The following ANK1 variants were observed in gnomAD, a reference collection of about 807,000 sequenced individuals.
ANK1 encodes the protein ankyrin-1.
Under a neutral mutation model 210.4 loss-of-function variants are expected in ANK1, and 51 were observed. That is an observed-to-expected ratio of 0.24 (90% confidence interval 0.19 to 0.31). The LOEUF is 0.31. Ranked by LOEUF, ANK1 falls within the 10% of genes least tolerant of loss-of-function variation. The probability of loss-of-function intolerance (pLI) is 1.00; values close to 1 mark genes in which losing one functional copy is unlikely to be tolerated. For synonymous variants in ANK1, 967 were observed against 1,025.9 expected, an observed-to-expected ratio of 0.94 and a Z score of 1.10; for missense variants, 2,051 against 2,504.4, an observed-to-expected ratio of 0.82 and a Z score of 3.86.
At chr8:41,733,326 GAGA>G (rs1307128429) in intron 3 of ANK1, among the ~76,000 whole-genome samples, 4 of 152,168 alleles carry the variant, frequency 2.6e-5, no homozygotes. Flanking sequence ...AGACTTGCTG[GAGA>G]AGGAGAAATG....
chr8:41,776,449 C>G (rs1362285380), intron 1 of ANK1, among the ~76,000 whole-genome samples: 1 of 152,070 alleles, frequency 6.6e-6, no homozygotes, highest in Non-Finnish European at 1.5e-5. Context: ...TCTAGAATTA[C>G]AACAGTAACA....
chr8:41,796,565 C>G lies in ANK1; in HGVS notation c.27+947G>C, dbSNP rs950259752. On this transcript the variant is annotated intron_variant, in intron 1 of 42. Coordinates refer to ENST00000289734, the MANE Select transcript of ANK1 (RefSeq NM_000037.4). ...CTCTCCTTAGAAAAAAAAAAAAAATCAACCAGGAAAGGCAAATTGTACAGA... is the reference window on the plus strand; with the variant it reads ...CTCTCCTTAGAAAAAAAAAAAAAATGAACCAGGAAAGGCAAATTGTACAGA... 9.3e-5 allele frequency among the ~76,000 whole-genome samples: 14 copies of G among 150,158 alleles called. 1 individual carries two copies. The highest frequency in any genetic ancestry group is 1.5e-4 in the Non-Finnish European group (10 of 67,618).
intron 35 of ANK1, 141 bp downstream of exon 35, chr8:41,688,015 G>T: frequency 9.4e-7 from 1 of 1,061,638 alleles, no homozygotes; most frequent in Non-Finnish European, 1.4e-6. Context: ...TTGGGCAGCA[G>T]ACCCAGCTCA....
intron 1 of ANK1, among the ~76,000 whole-genome samples, chr8:41,876,193 C>A (rs1210110117): frequency 6.6e-6 from 1 of 152,150 alleles, no homozygotes; most frequent in African/African-American, 2.4e-5. Context: ...GGCGCGGGGA[C>A]GGCCCTGTCT....
At position 41,708,985 on chromosome 8, in the gene ANK1, A is replaced by C; in HGVS notation, c.1801-10T>G. 6.2e-7 allele frequency: 1 copy of C among 1,613,646 alleles called. No homozygotes were observed. Among genetic ancestry groups the C allele is most frequent in the Non-Finnish European group, 8.5e-7 (1 of 1,180,046 alleles). On this transcript the variant is annotated splice_polypyrimidine_tract_variant and intron_variant, in intron 16 of 42. Transcript: ENST00000289734. ...AAGGGGTGTAGCCATTCTGAAACAGAAGAAGCCGCCCAGAGCCTGGTTACA... is the reference window on the plus strand; with the variant it reads ...AAGGGGTGTAGCCATTCTGAAACAGCAGAAGCCGCCCAGAGCCTGGTTACA...
chr8:41,731,570 T>C (rs1385475118), intron 3 of ANK1, among the ~76,000 whole-genome samples: 1 of 150,380 alleles, frequency 6.6e-6, no homozygotes, highest in Non-Finnish European at 1.5e-5. Flanking sequence ...GGCTTTTTAC[T>C]CTTTTTCTTC....
chr8:41,704,421 C>G lies in ANK1; in HGVS notation c.2149G>C (p.Val717Leu). 6.2e-7 allele frequency: 1 copy of G among 1,614,168 alleles called. No individual in the cohort carries two copies. Among genetic ancestry groups the G allele is most frequent in the Non-Finnish European group, 8.5e-7 (1 of 1,180,044 alleles). ...VASHYGNIKL[V>L]KFLLQHQADV... ...GCCTGGTGCTGCAGCAGAAACTTCA[C>G]CAGCTTGATGTTTCCATAGTGACTG... Residue 717 changes from valine (V) to leucine (L), a missense_variant, in exon 19 of 43, where the codon GTG becomes CTG. Physicochemically the swap from Val to Leu is conservative, Grantham distance 32 (BLOSUM62 1). This residue lies in a region of ANK1 where 1,413 missense variants were observed against 1,707.4 expected (regional missense o/e 0.83). Transcript: ENST00000289734. The surrounding 1 kb of genome is among the most constrained non-coding windows in gnomAD (Gnocchi z 4.1).
At chr8:41,669,604 G>C (rs1459083271) in intron 38 of ANK1, among the ~76,000 whole-genome samples, 1 of 152,046 alleles carries the variant, frequency 6.6e-6, no homozygotes, top group African/African-American at 2.4e-5. Context: ...TGCCATCCCT[G>C]GTATCTTCAT....
At chr8:41,751,225 T>C (rs1837630290) in intron 2 of ANK1, among the ~76,000 whole-genome samples, 1 of 152,220 alleles carries the variant, frequency 6.6e-6, no homozygotes, top group South Asian at 2.1e-4. Context: ...GTGAAGCTAA[T>C]ATGGGTCTGT....
Position 41,654,837 on chromosome 8 carries a change from G to A in ANK1, c.*953C>T, listed in dbSNP as rs1180541643. ...CTATGGACATGCTGGTGCAATCCTG[G>A]GTCAGCCACCGGCCTGTCCCCCAAC... On this transcript the variant is annotated 3_prime_UTR_variant, in exon 43 of 43. Transcript: ENST00000289734. The A allele has an allele frequency of 6.6e-6, 1 of 152,626 alleles. No individual in the cohort carries two copies. The highest frequency in any genetic ancestry group is 6.5e-5 in the Admixed American group (1 of 15,272). The allele number at this position is 152,626 out of a possible 1,614,324, so 9.5% of individuals were successfully genotyped here. A position where few individuals can be genotyped will look rare whatever the true frequency, so the allele number is the denominator to read the frequency against.
chr8:41,781,340 C>T (rs1030887380), intron 1 of ANK1, among the ~76,000 whole-genome samples: 1 of 152,236 alleles, frequency 6.6e-6, no homozygotes, highest in African/African-American at 2.4e-5. Flanking sequence ...CCCTGCTGAG[C>T]AGCCATTCCC....
At chr8:41,721,502 C>G (rs1199471484) in intron 9 of ANK1, among the ~76,000 whole-genome samples, 3 of 151,926 alleles carry the variant, frequency 2.0e-5, no homozygotes, top group Non-Finnish European at 2.9e-5. Context: ...ACTAAAAATA[C>G]AAAAATAGGC....
intron 17 of ANK1, among the ~76,000 whole-genome samples, chr8:41,706,915 A>G (rs990997629): frequency 6.6e-6 from 1 of 152,164 alleles, no homozygotes; most frequent in Non-Finnish European, 1.5e-5. Flanking sequence ...CCTGGCCAAC[A>G]TGGTGAGACC....
intron 1 of ANK1, among the ~76,000 whole-genome samples, chr8:41,893,706 G>A (rs1265523952): frequency 6.6e-6 from 1 of 152,200 alleles, no homozygotes; most frequent in Admixed American, 6.5e-5. Context: ...ATCCACACAA[G>A]AGGCCAATGT....
chr8:41,803,085 G>GAAGGGAAGGGAAGGGAAGGAAAGGA (rs1172839402), intron 1 of ANK1, among the ~76,000 whole-genome samples: 1 of 59,996 alleles, frequency 1.7e-5, no homozygotes, highest in Admixed American at 2.1e-4. Context: ...GGAAGGAAGG[G>GAAGGGAAGGGAAGGGAAGGAAAGGA]AAGGAAAGGA....
At chr8:41,821,883 A>C (rs1466871639) in intron 1 of ANK1, among the ~76,000 whole-genome samples, 1 of 152,020 alleles carries the variant, frequency 6.6e-6, no homozygotes, top group Non-Finnish European at 1.5e-5. Flanking sequence ...CCTCATCTCT[A>C]CTAAAAATAC....
intron 2 of ANK1, among the ~76,000 whole-genome samples, chr8:41,746,513 G>A (rs1836177637): frequency 1.3e-5 from 2 of 152,222 alleles, no homozygotes; most frequent in East Asian, 1.9e-4. Flanking sequence ...CCTGGGTAGC[G>A]CTTAGGATTC....
At chr8:41,686,033 TGA>T (rs1478096300) in intron 36 of ANK1, 117 bp downstream of exon 36, 15 of 1,495,784 alleles carry the variant, frequency 1.0e-5, no homozygotes, top group Non-Finnish European at 1.4e-5. Flanking sequence ...TGAGTGTGTG[TGA>T]GAGAGACAGA....
Position 41,694,856 on chromosome 8 carries a change from G to T in ANK1, c.3116-53C>A. 1 of 1,577,568 alleles carries T rather than the reference G, an allele frequency of 6.3e-7. No individual in the cohort carries two copies. The highest frequency in any genetic ancestry group is 8.7e-7 in the Non-Finnish European group (1 of 1,152,046). On this transcript the variant is annotated intron_variant, in intron 27 of 42. Transcript: ENST00000289734. This position sits in a 1 kb window ranked among gnomAD's most constrained non-coding sequence, Gnocchi z 5.7. ...CCGGTCACATCAGGCACAGGTTCAGGACTTCCAGGGGCCCCAGAGTCTCCT... is the reference window on the plus strand; with the variant it reads ...CCGGTCACATCAGGCACAGGTTCAGTACTTCCAGGGGCCCCAGAGTCTCCT...
Sources: allele counts gnomAD v4.1 joint callset (sites outside exome capture counted in the v4.1 genomes callset), GRCh38; gene constraint gnomAD v4.1.1; regional missense constraint gnomAD v4.1.1; non-coding constraint Gnocchi (gnomAD v3.1); transcripts MANE v1.5; gene names NCBI Gene and HGNC (gene_info 2026-07-23, HGNC 2026-07-21).